The following POU6F2 variants were observed in gnomAD, a reference collection of about 807,000 sequenced individuals.
POU6F2 encodes POU domain, class 6, transcription factor 2.
POU6F2 carries 31 observed loss-of-function variants against 71.3 expected under a neutral mutation model. The ratio of observed to expected loss-of-function variants is 0.43; its 90% CI spans 0.33 to 0.59. POU6F2 has a LOEUF of 0.59. POU6F2 is among the 20% of genes least tolerant of loss of function. The probability of loss-of-function intolerance (pLI) is 0.04; values close to 1 mark genes in which losing one functional copy is unlikely to be tolerated. For synonymous variants in POU6F2, 347 were observed against 355.7 expected, an observed-to-expected ratio of 0.98 and a Z score of 0.27; for missense variants, 783 against 856.8, an observed-to-expected ratio of 0.91 and a Z score of 1.07.
chr7:39,050,722 A>C (rs1440896748), intron 1 of POU6F2, among the ~76,000 whole-genome samples: 2 of 152,084 alleles, frequency 1.3e-5, no homozygotes, highest in East Asian at 1.9e-4. Flanking sequence ...TTCCTCCTAC[A>C]CTTAAGCTGC....
chr7:39,075,031 TCC>T (rs1790969773), intron 1 of POU6F2, among the ~76,000 whole-genome samples: 1 of 151,982 alleles, frequency 6.6e-6, no homozygotes, highest in South Asian at 2.1e-4. Flanking sequence ...GGGCTCCAGT[TCC>T]CAAGCACCCA....
chr7:39,274,148 G>A lies in POU6F2; in HGVS notation c.599-65494G>A, dbSNP rs182160557. On this transcript the variant is annotated intron_variant, in intron 4 of 9. Transcript: ENST00000518318. ...GTATAAAAAATTCTCTTTCAAGACC[G>A]CTAGCAAGACTAATAAAGAAAAAAA... Among the ~76,000 whole-genome samples the A allele has an allele frequency of 2.3e-3, 351 of 151,960 alleles. 1 individual carries two copies. The highest frequency in any genetic ancestry group is 8.2e-3 in the African/African-American group (340 of 41,448).
intron 1 of POU6F2, among the ~76,000 whole-genome samples, chr7:39,005,484 C>CTCTGTGTG (rs373403349): frequency 7.9e-6 from 1 of 126,610 alleles, no homozygotes; most frequent in Non-Finnish European, 1.7e-5. Context: ...AGGGAGAAAC[C>CTCTGTGTG]TGTGTGTGTG....
chr7:39,239,176 T>C (rs1225207255), intron 4 of POU6F2, among the ~76,000 whole-genome samples: 2 of 152,144 alleles, frequency 1.3e-5, no homozygotes, highest in Non-Finnish European at 2.9e-5. Context: ...AAGAGAATGC[T>C]CTGGGCTGAG....
chr7:39,015,855 A>G (rs1789495679), intron 1 of POU6F2, among the ~76,000 whole-genome samples: 1 of 19,400 alleles, frequency 5.2e-5, no homozygotes, highest in Non-Finnish European at 1.5e-4. Context: ...ATATATAGAT[A>G]TATATAATAT....
chr7:39,426,220 C>G (rs940055904), intron 6 of POU6F2, among the ~76,000 whole-genome samples: 2 of 152,194 alleles, frequency 1.3e-5, no homozygotes, highest in African/African-American at 4.8e-5. Flanking sequence ...CAGAAGGCTT[C>G]CTGCTCTCTG....
At chr7:39,448,833 A>C (rs1054686764) in intron 7 of POU6F2, among the ~76,000 whole-genome samples, 3 of 152,256 alleles carry the variant, frequency 2.0e-5, no homozygotes, top group African/African-American at 7.2e-5. Flanking sequence ...GCTTTTGCCA[A>C]GTAACAGTAT....
intron 6 of POU6F2, among the ~76,000 whole-genome samples, chr7:39,416,246 G>A (rs929478251): frequency 2.0e-5 from 3 of 152,160 alleles, no homozygotes; most frequent in African/African-American, 4.8e-5. Context: ...GACAGGTAGT[G>A]TCAGGGAATT....
chr7:39,408,416 GC>G lies in POU6F2; in HGVS notation c.1113+1678del, dbSNP rs748148478. ...TGATGATTTAAGGGCTGATTACTTT[GC>G]CAATTAGATATTCTCAGGAGCTAGA... is the stretch of plus-strand genomic sequence containing the variant. On this transcript the variant is annotated intron_variant, in intron 6 of 9. Transcript: ENST00000518318. Among the ~76,000 whole-genome samples the G allele has an allele frequency of 5.9e-5, 9 of 152,280 alleles. No individual in the cohort carries two copies. The East Asian group carries it at 9.6e-4, about 16-fold the overall frequency.
intron 1 of POU6F2, among the ~76,000 whole-genome samples, chr7:39,075,785 CTG>C (rs1790989798): frequency 6.6e-6 from 1 of 152,230 alleles, no homozygotes. Flanking sequence ...GGCGTGGTCT[CTG>C]TGCACACCTG....
chr7:39,026,300 C>T (rs566606701), intron 1 of POU6F2, among the ~76,000 whole-genome samples: 12 of 151,902 alleles, frequency 7.9e-5, no homozygotes, highest in South Asian at 4.2e-4. Flanking sequence ...CACATGCACA[C>T]GTATGTTTAT....
At chr7:39,317,504 T>C (rs1371802761) in intron 4 of POU6F2, among the ~76,000 whole-genome samples, 2 of 152,248 alleles carry the variant, frequency 1.3e-5, no homozygotes, top group African/African-American at 4.8e-5. Flanking sequence ...TCAGTTTTAA[T>C]AATTTATGGT....
intron 4 of POU6F2, among the ~76,000 whole-genome samples, chr7:39,320,150 G>A (rs79585386): frequency 0.062 from 9,387 of 152,244 alleles, 457 homozygotes; most frequent in African/African-American, 0.13. Context: ...AGGTCCAGAG[G>A]CTAGATAAGA....
intron 2 of POU6F2, among the ~76,000 whole-genome samples, chr7:39,183,994 C>T (rs969986893): frequency 2.6e-5 from 4 of 152,062 alleles, no homozygotes; most frequent in African/African-American, 7.2e-5. Flanking sequence ...GATTAAGGTC[C>T]GTAAGTCCAG....
chr7:39,200,474 G>A (rs1793875594), intron 2 of POU6F2, among the ~76,000 whole-genome samples: 1 of 152,196 alleles, frequency 6.6e-6, no homozygotes. Context: ...ACTAAAGGAA[G>A]CAACTCTATA....
intron 6 of POU6F2, among the ~76,000 whole-genome samples, chr7:39,419,713 GT>G (rs1787807534): frequency 1.3e-5 from 2 of 152,282 alleles, no homozygotes; most frequent in Non-Finnish European, 1.5e-5. Flanking sequence ...AACAAAGGAT[GT>G]TAAATCCTTG....
At chr7:39,380,471 A>G (rs1048846265) in intron 5 of POU6F2, among the ~76,000 whole-genome samples, 1 of 152,160 alleles carries the variant, frequency 6.6e-6, no homozygotes, top group African/African-American at 2.4e-5. Flanking sequence ...GATGTAGGCC[A>G]CTCTGCTAGC....
chr7:39,255,394 A>G (rs1338986746), intron 4 of POU6F2, among the ~76,000 whole-genome samples: 2 of 152,212 alleles, frequency 1.3e-5, no homozygotes, highest in African/African-American at 2.4e-5. Context: ...ATTCTTACAT[A>G]TGCCTCATGG....
chr7:39,439,965 T>C (rs904203331), intron 7 of POU6F2, among the ~76,000 whole-genome samples: 4 of 152,216 alleles, frequency 2.6e-5, no homozygotes, highest in African/African-American at 9.6e-5. Context: ...GGATATGAAA[T>C]TCTAGATTGA....
Sources: allele counts gnomAD v4.1 joint callset (sites outside exome capture counted in the v4.1 genomes callset), GRCh38; gene constraint gnomAD v4.1.1; transcripts MANE v1.5; gene names NCBI Gene and HGNC (gene_info 2026-07-23, HGNC 2026-07-21).